Variants in ZMAT1 observed in about 807,000 individuals in gnomAD.
ZMAT1 encodes the protein zinc finger matrin-type 1.
ZMAT1 carries 11 observed loss-of-function variants against 18.5 expected under a neutral mutation model. The ratio of observed to expected loss-of-function variants is 0.59; its 90% CI spans 0.37 to 0.98. The LOEUF (loss-of-function observed/expected upper bound fraction) is 0.98. Ranked by LOEUF, ZMAT1 falls within the 50% of genes least tolerant of loss-of-function variation. The probability of loss-of-function intolerance (pLI) is 0.01; values close to 1 mark genes in which losing one functional copy is unlikely to be tolerated. For synonymous variants in ZMAT1, 211 were observed against 176.4 expected (o/e 1.20, Z -1.55); for missense variants, 525 against 496.2 (o/e 1.06, Z -0.55).
At chrX:101,911,365 A>T (rs1170669680) in intron 1 of ZMAT1, among the ~76,000 whole-genome samples, 1 of 112,231 alleles carries the variant, frequency 8.9e-6, no homozygotes, top group Non-Finnish European at 1.9e-5. Context: ...GTAATAGTAA[A>T]TACACAGAAA....
intron 4 of ZMAT1, chrX:101,890,058 A>G (rs1927269200): frequency 8.9e-6 from 1 of 112,026 alleles, no homozygotes; most frequent in Non-Finnish European, 1.9e-5. Context: ...TCAGTTAATT[A>G]TTATTCAATC....
At chrX:101,890,603 T>G (rs1927309371) in intron 4 of ZMAT1, among the ~76,000 whole-genome samples, 1 of 111,459 alleles carries the variant, frequency 9.0e-6, no homozygotes, top group East Asian at 2.8e-4. Flanking sequence ...AACAGCCAAG[T>G]TGTTCACAAA....
At chrX:101,889,305 G>A (rs1026879836) in intron 4 of ZMAT1, 6 of 110,750 alleles carry the variant, frequency 5.4e-5, no homozygotes, top group African/African-American at 9.8e-5. Flanking sequence ...AGACTATTCC[G>A]AGGTTCTGTT....
chrX:101,923,761 C>T (rs182120757), intron 1 of ZMAT1, among the ~76,000 whole-genome samples: 2 of 111,733 alleles, frequency 1.8e-5, no homozygotes, highest in African/African-American at 6.5e-5. Context: ...GATTTAGGTA[C>T]AACAGTTGAG....
chrX:101,923,472 C>G (rs1929857612), intron 1 of ZMAT1, among the ~76,000 whole-genome samples: 1 of 111,801 alleles, frequency 8.9e-6, no homozygotes, highest in African/African-American at 3.3e-5. Context: ...CACCTAGCTG[C>G]TTCCAAATAC....
At chrX:101,914,407 G>T (rs1446516051) in intron 1 of ZMAT1, among the ~76,000 whole-genome samples, 1 of 110,936 alleles carries the variant, frequency 9.0e-6, no homozygotes, top group African/African-American at 3.3e-5. Flanking sequence ...GAAACAAAAA[G>T]CTGGGTTTTT....
intron 4 of ZMAT1, among the ~76,000 whole-genome samples, chrX:101,896,994 AAG>A (rs1156839979): frequency 5.5e-5 from 6 of 109,720 alleles, no homozygotes; most frequent in Non-Finnish European, 5.7e-5. Context: ...TCATAATAGA[AAG>A]AGAGTCAGTA....
chrX:101,898,242 CTT>C, intron 2 of ZMAT1, 22 bp from the exon 3 acceptor site: 1 of 1,163,550 alleles, frequency 8.6e-7, no homozygotes, highest in Non-Finnish European at 1.2e-6. Context: ...TATAATATGA[CTT>C]TGTTTATTCA....
chrX:101,911,733 G>A, intron 1 of ZMAT1: 1 of 1,209,104 alleles, frequency 8.3e-7, no homozygotes, highest in Non-Finnish European at 1.1e-6. Context: ...ATCCACACAG[G>A]AGAGAAACCC....
chrX:101,929,462 C>CAGAGAG lies in ZMAT1; in HGVS notation c.292+2249_292+2254dup, dbSNP rs1180169221. Among the ~76,000 whole-genome samples, 8 of 66,371 alleles carry CAGAGAG rather than the reference C, an allele frequency of 1.2e-4. No homozygotes were observed. The South Asian group carries it at 3.9e-3, about 33-fold the overall frequency. The allele number at this position is 66,371 out of a possible 115,157, so 57.6% of individuals were successfully genotyped here. ...ATATATATATATATATATATACACA[C>CAGAGAG]AGAGAGAGAGAGAGAGAGAGAGAGA... On this transcript the variant is annotated intron_variant, in intron 1 of 5. Transcript: ENST00000651725.
intron 1 of ZMAT1, among the ~76,000 whole-genome samples, chrX:101,917,177 C>T (rs749998633): frequency 1.7e-4 from 19 of 111,816 alleles, no homozygotes; most frequent in African/African-American, 5.2e-4. Flanking sequence ...AACATAAAAA[C>T]GGACAAATGG....
chrX:101,911,294 A>G (rs754643219), intron 1 of ZMAT1, among the ~76,000 whole-genome samples: 52 of 112,233 alleles, frequency 4.6e-4, no homozygotes, highest in African/African-American at 1.7e-3. Context: ...AAGTACTTCA[A>G]CCAGAAAGAA....
chrX:101,886,766 GTATAAA>G, intron 4 of ZMAT1, 35 bp from the exon 5 acceptor site: 2 of 982,857 alleles, frequency 2.0e-6, no homozygotes. Context: ...AAGAAGGTCA[GTATAAA>G]TACATTTAGA....
intron 1 of ZMAT1, among the ~76,000 whole-genome samples, chrX:101,922,151 A>C (rs6621246): frequency 0.16 from 17,200 of 110,855 alleles, 1,078 homozygotes; most frequent in Non-Finnish European, 0.18. Context: ...GTTTCCACTG[A>C]GAACAAATTT....
At chrX:101,897,557 A>G (rs750740932) in intron 4 of ZMAT1, among the ~76,000 whole-genome samples, 1 of 109,801 alleles carries the variant, frequency 9.1e-6, no homozygotes, top group Non-Finnish European at 1.9e-5. Context: ...AAAAAAAAAA[A>G]AAAAAGAAAC....
At chrX:101,896,450 TTCTG>T (rs1317459720) in intron 4 of ZMAT1, among the ~76,000 whole-genome samples, 6 of 112,195 alleles carry the variant, frequency 5.3e-5, no homozygotes, top group East Asian at 2.8e-4. Context: ...GGCACACTGA[TTCTG>T]TCTATCTTTT....
At chrX:101,921,985 TTAGA>T (rs1438748208) in intron 1 of ZMAT1, among the ~76,000 whole-genome samples, 4 of 111,233 alleles carry the variant, frequency 3.6e-5, no homozygotes, top group Non-Finnish European at 7.5e-5. Context: ...TAGGACATAG[TTAGA>T]TAGAAATTCT....
At position 101,930,114 on chromosome X, in the gene ZMAT1, A is replaced by C. The variant is rs929509380; in HGVS notation, c.292+1603T>G. On this transcript the variant is annotated intron_variant, in intron 1 of 5. Coordinates refer to ENST00000651725, the MANE Select transcript of ZMAT1 (RefSeq NM_001394560.1). ...AGCCTTTAATATTTGCATATATTAA[A>C]AGATACTGCAAACAAACCAGTTGCA... Among the ~76,000 whole-genome samples the C allele has an allele frequency of 5.4e-5, 6 of 112,125 alleles. No homozygotes were observed. The Admixed American group carries it at 5.7e-4, about 11-fold the overall frequency.
At chrX:101,903,689 G>A (rs1018893160) in intron 2 of ZMAT1, among the ~76,000 whole-genome samples, 2 of 111,697 alleles carry the variant, frequency 1.8e-5, no homozygotes, top group African/African-American at 6.5e-5. Context: ...ATTAGCCATG[G>A]AGAAGTATTA....
Sources: gnomAD v4.1 joint callset for allele counts (sites outside exome capture counted in the v4.1 genomes callset) on GRCh38, gnomAD v4.1.1 for gene constraint, MANE v1.5 for transcripts, NCBI Gene and HGNC (gene_info 2026-07-23, HGNC 2026-07-21) for gene names.